SLC2A13: variants seen among roughly 807,000 people sequenced by gnomAD.
The protein encoded by SLC2A13 is solute carrier family 2 member 13.
SLC2A13 carries 32 observed loss-of-function variants against 64.4 expected under a neutral mutation model. The observed-to-expected ratio is 0.50, with a 90% CI of 0.37 to 0.67. The LOEUF (loss-of-function observed/expected upper bound fraction) is 0.67. SLC2A13 is among the 30% of genes least tolerant of loss of function. The pLI is 0.00. For synonymous variants in SLC2A13, 338 were observed against 327.1 expected, an observed-to-expected ratio of 1.03 and a Z score of -0.36; for missense variants, 743 against 829.2, an observed-to-expected ratio of 0.90 and a Z score of 1.28.
intron 4 of SLC2A13, among the ~76,000 whole-genome samples, chr12:39,924,425 T>A (rs2136061694): frequency 6.6e-6 from 1 of 151,942 alleles, no homozygotes; most frequent in Non-Finnish European, 1.5e-5. Context: ...TTAGGATCAT[T>A]GTATCATTAG....
intron 4 of SLC2A13, among the ~76,000 whole-genome samples, chr12:39,891,167 T>C (rs1944599077): frequency 6.7e-6 from 1 of 150,050 alleles, no homozygotes; most frequent in Non-Finnish European, 1.5e-5. Context: ...AGGATGCTTG[T>C]CCTCTGGGAA....
intron 3 of SLC2A13, among the ~76,000 whole-genome samples, chr12:39,957,072 G>C (rs1165218045): frequency 1.3e-5 from 2 of 152,114 alleles, no homozygotes; most frequent in African/African-American, 4.8e-5. Flanking sequence ...CAATCACCAA[G>C]AGTATTAAGC....
In SLC2A13 at chr12:39,995,994, A is replaced by G. The variant is rs12816591; in HGVS notation, c.925+32307T>C. Among the ~76,000 whole-genome samples the G allele has an allele frequency of 3.3e-5, 5 of 152,236 alleles. No individual in the cohort carries two copies. The South Asian group carries it at 1.0e-3, about 31-fold the overall frequency. On this transcript the variant is annotated intron_variant, in intron 3 of 9. Transcript: ENST00000280871. Reference sequence around the variant, plus strand: ...GCCCAGTCTCAGGTATGTCTTTATCAGAAGCATGAAAACAAATACAGTACA... The same window carrying G: ...GCCCAGTCTCAGGTATGTCTTTATCGGAAGCATGAAAACAAATACAGTACA...
chr12:39,954,012 T>G (rs1946276286), intron 3 of SLC2A13, among the ~76,000 whole-genome samples: 1 of 152,210 alleles, frequency 6.6e-6, no homozygotes, highest in Non-Finnish European at 1.5e-5. Context: ...TTCCAGCTCT[T>G]GACTTTCATT....
At chr12:39,773,410 T>A (rs1411787927) in intron 7 of SLC2A13, among the ~76,000 whole-genome samples, 1 of 152,148 alleles carries the variant, frequency 6.6e-6, no homozygotes, top group East Asian at 1.9e-4. Context: ...CAGAACTCCC[T>A]TTAGTAATAA....
At position 39,769,599 on chromosome 12, in the gene SLC2A13, G is replaced by T. The variant is rs1484863270; in HGVS notation, c.1446-4741C>A. ...GTACAAGTCTGTCACCCTTTCTGAG[G>T]ACTGCCCTTCTTATCAGTGTTCTTG... On this transcript the variant is annotated intron_variant, in intron 7 of 9. Coordinates refer to ENST00000280871, the MANE Select transcript of SLC2A13 (RefSeq NM_052885.4). Among the ~76,000 whole-genome samples, 4 of 151,856 alleles carry T rather than the reference G, an allele frequency of 2.6e-5. No homozygotes were observed. In the East Asian group the frequency reaches 7.7e-4, roughly 29 times the overall value.
At chr12:39,936,215 C>T (rs896720437) in intron 4 of SLC2A13, among the ~76,000 whole-genome samples, 1 of 152,160 alleles carries the variant, frequency 6.6e-6, no homozygotes, top group Non-Finnish European at 1.5e-5. Flanking sequence ...TTGTCAAGCC[C>T]CCTGCCCTCA....
chr12:39,978,931 G>C (rs1946825834), intron 3 of SLC2A13, among the ~76,000 whole-genome samples: 1 of 149,230 alleles, frequency 6.7e-6, no homozygotes, highest in Non-Finnish European at 1.5e-5. Flanking sequence ...CTGTCTGACA[G>C]CTTTGAAGAG....
At chr12:39,973,061 C>A (rs997412287) in intron 3 of SLC2A13, among the ~76,000 whole-genome samples, 11 of 152,118 alleles carry the variant, frequency 7.2e-5, no homozygotes, top group Admixed American at 2.0e-4. Context: ...GAGCAAAACT[C>A]CATCTCAATC....
At chr12:39,882,647 G>C (rs575540878) in intron 4 of SLC2A13, among the ~76,000 whole-genome samples, 1 of 152,006 alleles carries the variant, frequency 6.6e-6, no homozygotes, top group Non-Finnish European at 1.5e-5. Flanking sequence ...CACCAAGAAA[G>C]CGTGAGCAAT....
intron 3 of SLC2A13, among the ~76,000 whole-genome samples, chr12:40,020,146 A>AT (rs200940999): frequency 0.034 from 5,153 of 152,244 alleles, 126 homozygotes; most frequent in Middle Eastern, 0.065. Flanking sequence ...GGTTTCTTTG[A>AT]TTTTTTAAGA....
chr12:40,047,917 T>C, intron 2 of SLC2A13, 134 bp downstream of exon 2: 1 of 774,390 alleles, frequency 1.3e-6, no homozygotes, highest in Non-Finnish European at 1.9e-6. Flanking sequence ...TCAGTTTTGC[T>C]GAATGTCACC....
chr12:39,970,786 T>C (rs756813296), intron 3 of SLC2A13, among the ~76,000 whole-genome samples: 1 of 152,236 alleles, frequency 6.6e-6, no homozygotes, highest in African/African-American at 2.4e-5. Context: ...GTTGCATTAT[T>C]ACATTGGCTA....
At chr12:39,927,627 G>C (rs1263398748) in intron 4 of SLC2A13, among the ~76,000 whole-genome samples, 1 of 152,030 alleles carries the variant, frequency 6.6e-6, no homozygotes, top group Non-Finnish European at 1.5e-5. Context: ...ATTTGCTACT[G>C]TTACTGTCAA....
chr12:40,049,888 T>A (rs1417808069), intron 1 of SLC2A13, among the ~76,000 whole-genome samples: 3 of 152,158 alleles, frequency 2.0e-5, no homozygotes, highest in Non-Finnish European at 4.4e-5. Context: ...CAGAACTAGA[T>A]ACTAATTTCC....
Position 39,760,270 on chromosome 12 carries a change from A to G in SLC2A13, c.1721-18T>C, listed in dbSNP as rs375212697. 20 of 1,587,784 alleles carry G rather than the reference A, an allele frequency of 1.3e-5. No homozygotes were observed. The highest frequency in any genetic ancestry group is 1.5e-5 in the Non-Finnish European group (18 of 1,161,538). On this transcript the variant is annotated intron_variant, in intron 9 of 9. Coordinates refer to ENST00000280871, the MANE Select transcript of SLC2A13 (RefSeq NM_052885.4). ...GAAAGCTCCTGCAACGGAATATAAT[A>G]GATACATGAATATGAATATATAGAG...
At chr12:39,989,703 C>CT in intron 3 of SLC2A13, among the ~76,000 whole-genome samples, 1 of 152,278 alleles carries the variant, frequency 6.6e-6, no homozygotes, top group African/African-American at 2.4e-5. Context: ...ATATGCACAA[C>CT]TTTTTTTCCA....
intron 4 of SLC2A13, among the ~76,000 whole-genome samples, chr12:39,895,345 C>A (rs565171637): frequency 1.3e-5 from 2 of 151,262 alleles, no homozygotes; most frequent in South Asian, 2.1e-4. Flanking sequence ...AAAAAATTAG[C>A]CGGGCTTGGT....
At chr12:39,852,676 C>T (rs577252647) in intron 6 of SLC2A13, among the ~76,000 whole-genome samples, 6 of 152,168 alleles carry the variant, frequency 3.9e-5, no homozygotes, top group Non-Finnish European at 8.8e-5. Context: ...CAACTTTCCA[C>T]GCTCAAGGAA....
Sources: allele counts gnomAD v4.1 joint callset (sites outside exome capture counted in the v4.1 genomes callset), GRCh38; gene constraint gnomAD v4.1.1; transcripts MANE v1.5; gene names NCBI Gene and HGNC (gene_info 2026-07-23, HGNC 2026-07-21).